BMPR1B: variants seen among roughly 807,000 people sequenced by gnomAD.
BMPR1B encodes the protein bone morphogenetic protein receptor type-1B.
In BMPR1B, 12 loss-of-function variants were observed where a neutral mutation model predicts 59.1. The ratio of observed to expected loss-of-function variants is 0.20; its 90% CI spans 0.13 to 0.33. The LOEUF (loss-of-function observed/expected upper bound fraction) is 0.33, where lower values mean the gene tolerates loss of function less well. Ranked by LOEUF, BMPR1B falls within the 10% of genes least tolerant of loss-of-function variation. BMPR1B has a pLI of 1.00. For synonymous variants in BMPR1B, 237 were observed against 207.3 expected (o/e 1.14, Z -1.23); for missense variants, 550 against 610.9 (o/e 0.90, Z 1.05).
At chr4:94,920,999 G>A (rs2149024344) in intron 2 of BMPR1B, among the ~76,000 whole-genome samples, 1 of 152,204 alleles carries the variant, frequency 6.6e-6, no homozygotes, top group South Asian at 2.1e-4. Context: ...AAGGAAGTAT[G>A]TTTTTACCCA....
chr4:95,074,994 A>G (rs920063195), intron 3 of BMPR1B, among the ~76,000 whole-genome samples: 1 of 152,174 alleles, frequency 6.6e-6, no homozygotes, highest in Non-Finnish European at 1.5e-5. Context: ...AGAAGTAGGC[A>G]CTGACCTGGA....
chr4:94,986,091 C>T (rs544160869), intron 2 of BMPR1B, among the ~76,000 whole-genome samples: 50 of 152,144 alleles, frequency 3.3e-4, no homozygotes, highest in African/African-American at 1.2e-3. Flanking sequence ...TTATATAAAA[C>T]AATTATTTTG....
chr4:95,051,606 C>G (rs905902266), intron 3 of BMPR1B: 1 of 1,193,104 alleles, frequency 8.4e-7, no homozygotes, highest in East Asian at 2.6e-5. Context: ...GAAGATCTGA[C>G]AAGAGTGGCA....
intron 3 of BMPR1B, among the ~76,000 whole-genome samples, chr4:95,090,939 A>G (rs1422770375): frequency 6.6e-6 from 1 of 152,112 alleles, no homozygotes; most frequent in Non-Finnish European, 1.5e-5. Context: ...ACATTTTGAA[A>G]TTTTCCAAAT....
intron 1 of BMPR1B, among the ~76,000 whole-genome samples, chr4:94,868,196 TCTCA>T (rs1475176284): frequency 6.6e-6 from 1 of 150,464 alleles, no homozygotes; most frequent in African/African-American, 2.5e-5. Flanking sequence ...TGAGACGGGG[TCTCA>T]CTCAGTCACC....
intron 3 of BMPR1B, among the ~76,000 whole-genome samples, chr4:95,075,600 G>C (rs557708710): frequency 5.6e-4 from 86 of 152,266 alleles, no homozygotes; most frequent in African/African-American, 1.9e-3. Flanking sequence ...AGACTTTGTA[G>C]AACACAGTCA....
intron 3 of BMPR1B, among the ~76,000 whole-genome samples, chr4:95,042,023 A>G (rs1449488557): frequency 2.0e-5 from 3 of 152,010 alleles, no homozygotes; most frequent in Non-Finnish European, 4.4e-5. Flanking sequence ...CGCCCGGCTA[A>G]TTTTTTATAT....
chr4:94,776,209 G>A (rs115844043), intron 1 of BMPR1B, among the ~76,000 whole-genome samples: 6,265 of 151,248 alleles, frequency 0.041, 204 homozygotes, highest in South Asian at 0.1. Context: ...AAATAATTTT[G>A]AGGTATAAGT....
chr4:94,861,985 A>G (rs1399925654), intron 1 of BMPR1B, among the ~76,000 whole-genome samples: 1 of 152,106 alleles, frequency 6.6e-6, no homozygotes. Context: ...TTTAGTTGTA[A>G]GGAAACTATA....
chr4:94,962,067 TTTTC>T (rs1358246578), intron 2 of BMPR1B, among the ~76,000 whole-genome samples: 3,678 of 135,000 alleles, frequency 0.027, 190 homozygotes, highest in African/African-American at 0.11. Flanking sequence ...CTTTTCTTTC[TTTTC>T]TTTCCTTCCT....
chr4:95,129,494 G>A (rs982352844), intron 8 of BMPR1B, among the ~76,000 whole-genome samples: 2 of 151,918 alleles, frequency 1.3e-5, no homozygotes, highest in South Asian at 2.1e-4. Context: ...TACATGATTA[G>A]GTGTATGGTG....
intron 2 of BMPR1B, among the ~76,000 whole-genome samples, chr4:94,955,315 G>T (rs1158987743): frequency 2.6e-5 from 4 of 152,132 alleles, no homozygotes; most frequent in Non-Finnish European, 5.9e-5. Flanking sequence ...TTATATCCAT[G>T]TGATTACTTA....
chr4:95,139,717 C>T (rs1450087470), intron 10 of BMPR1B, among the ~76,000 whole-genome samples: 3 of 151,608 alleles, frequency 2.0e-5, no homozygotes, highest in Admixed American at 6.6e-5. Context: ...CCGAGCCGGG[C>T]GTGGGACCCT....
chr4:95,130,013 A>G lies in BMPR1B; in HGVS notation c.737A>G (p.Glu246Gly), dbSNP rs779737736. 10 of 1,613,848 alleles carry G rather than the reference A, an allele frequency of 6.2e-6. No individual in the cohort carries two copies. Among genetic ancestry groups the G allele is most frequent in the South Asian group, 5.5e-5 (5 of 91,094 alleles). ...TEEASWFRETEIYQTVLMRHE... is the reference protein window; with the variant it reads ...TEEASWFRETGIYQTVLMRHE... ...GAAGCCAGCTGGTTCAGAGAGACAG[A>G]AATATATCAGACAGTGTTGATGAGG... is the stretch of plus-strand genomic sequence containing the variant. Residue 246 changes from glutamate (E) to glycine (G), a missense_variant, in exon 9 of 13, where the codon GAA becomes GGA. Glu to Gly is a moderately conservative substitution (Grantham distance 98). Coordinates refer to ENST00000515059, the MANE Select transcript of BMPR1B (RefSeq NM_001203.3).
At chr4:95,001,576 T>C in intron 3 of BMPR1B, among the ~76,000 whole-genome samples, 1 of 152,200 alleles carries the variant, frequency 6.6e-6, no homozygotes, top group East Asian at 1.9e-4. Flanking sequence ...ATGCTTAGAT[T>C]ATGTCTAAGA....
intron 2 of BMPR1B, among the ~76,000 whole-genome samples, chr4:94,947,655 G>T (rs1041016543): frequency 1.3e-5 from 2 of 152,178 alleles, no homozygotes; most frequent in Non-Finnish European, 2.9e-5. Context: ...CAGGATTTTG[G>T]AGTCATGTCA....
intron 1 of BMPR1B, among the ~76,000 whole-genome samples, chr4:94,869,146 T>A (rs867890863): frequency 6.8e-6 from 1 of 147,888 alleles, no homozygotes; most frequent in Non-Finnish European, 1.5e-5. Flanking sequence ...ACACACACTT[T>A]GCTTTAAAGG....
chr4:94,865,671 G>A (rs139545687), intron 1 of BMPR1B, among the ~76,000 whole-genome samples: 2,791 of 152,244 alleles, frequency 0.018, 35 homozygotes, highest in African/African-American at 0.034. Context: ...GATTACAGGC[G>A]TGAGCCACTG....
intron 2 of BMPR1B, among the ~76,000 whole-genome samples, chr4:94,877,469 A>C (rs1726775523): frequency 6.6e-6 from 1 of 152,206 alleles, no homozygotes; most frequent in Non-Finnish European, 1.5e-5. Context: ...CTGTTAGTGA[A>C]CTGAAGTAAA....
Sources: allele counts gnomAD v4.1 joint callset (sites outside exome capture counted in the v4.1 genomes callset), GRCh38; gene constraint gnomAD v4.1.1; transcripts MANE v1.5; gene names NCBI Gene and HGNC (gene_info 2026-07-23, HGNC 2026-07-21).